Variants in RBBP8NL observed in about 807,000 individuals in gnomAD.
RBBP8NL encodes the protein RBBP8 N-terminal-like protein.
Under a neutral mutation model 62.2 loss-of-function variants are expected in RBBP8NL, and 59 were observed. The ratio of observed to expected loss-of-function variants is 0.95; its 90% CI spans 0.77 to 1.18. RBBP8NL has a LOEUF of 1.18. Among genes scored for constraint, RBBP8NL ranks in the 50% most tolerant of loss-of-function variants. The pLI is 0.00. For missense variants in RBBP8NL, 896 were observed against 899.5 expected, an observed-to-expected ratio of 1.00 and a Z score of 0.05; for synonymous variants, 412 against 394.1, an observed-to-expected ratio of 1.05 and a Z score of -0.54.
chr20:62,421,305 G>A (rs1285165477), intron 1 of RBBP8NL, among the ~76,000 whole-genome samples: 1 of 149,980 alleles, frequency 6.7e-6, no homozygotes, highest in African/African-American at 2.5e-5. Context: ...TGTGCCATGT[G>A]TGTGCACGCC....
At chr20:62,412,507 CCAT>C (rs2146436911) in intron 13 of RBBP8NL, 114 bp downstream of exon 13, 4 of 1,377,912 alleles carry the variant, frequency 2.9e-6, no homozygotes, top group African/African-American at 2.8e-5. Context: ...ATTTTTGGCT[CCAT>C]CATTCTGAGG....
At chr20:62,422,825 C>T (rs867008678) in intron 1 of RBBP8NL, among the ~76,000 whole-genome samples, 3 of 152,114 alleles carry the variant, frequency 2.0e-5, no homozygotes, top group Non-Finnish European at 4.4e-5. Context: ...GTGGCTGCAG[C>T]GTCCCCAGGG....
intron 5 of RBBP8NL, among the ~76,000 whole-genome samples, chr20:62,416,517 C>T (rs73916596): frequency 0.055 from 8,381 of 152,270 alleles, 722 homozygotes; most frequent in African/African-American, 0.18. Context: ...AGGAAGGAGG[C>T]CGCGCCCAGT....
At chr20:62,415,543 G>T in intron 8 of RBBP8NL, 35 bp downstream of exon 8, 1 of 1,605,526 alleles carries the variant, frequency 6.2e-7, no homozygotes, top group Non-Finnish European at 8.5e-7. Flanking sequence ...CGCCGGCCCA[G>T]CTGCACATGG....
chr20:62,411,678 C>T (rs1327225476), intron 13 of RBBP8NL, among the ~76,000 whole-genome samples: 1 of 152,268 alleles, frequency 6.6e-6, no homozygotes, highest in Non-Finnish European at 1.5e-5. Context: ...CAGGGACCTG[C>T]TCTCACTGAT....
Position 62,413,356 on chromosome 20 carries a change from G to T in RBBP8NL, c.1675+45C>A, listed in dbSNP as rs181557231. 7.0e-5 allele frequency: 96 copies of T among 1,380,554 alleles called. No homozygotes were observed. The Middle Eastern group carries it at 1.2e-3, about 18-fold the overall frequency. The allele number at this position is 1,380,554 out of a possible 1,614,324, so 85.5% of individuals were successfully genotyped here. A position where few individuals can be genotyped will look rare whatever the true frequency, so the allele number is the denominator to read the frequency against. On this transcript the variant is annotated intron_variant, in intron 11 of 13. Coordinates refer to ENST00000252998, the MANE Select transcript of RBBP8NL (RefSeq NM_080833.3). ...GACCACCACCCTCTCTCTCCGTGGG[G>T]AAAACACCTCCCAGCTGGACTCTGA...
chr20:62,412,834 C>A lies in RBBP8NL; in HGVS notation c.1742G>T (p.Ser581Ile), dbSNP rs1569023251. The change falls in exon 12 of 14, where the codon AGC becomes ATC. Residue 581 changes from serine (S) to isoleucine (I), a missense_variant. Ser to Ile is a moderately radical substitution (Grantham distance 142). Transcript: ENST00000252998. ...GAGTGTGTGGCCTGGACCCACCTCGCTGCCTGGGGTGTCTGTCTCATCCAG... is the reference window on the plus strand; with the variant it reads ...GAGTGTGTGGCCTGGACCCACCTCGATGCCTGGGGTGTCTGTCTCATCCAG... The part of the protein sequence containing the change: ...DELDETDTPG[S>I]EVGLSSQAEA... The A allele has an allele frequency of 6.2e-7, 1 of 1,613,466 alleles. No individual in the cohort carries two copies.
At chr20:62,423,234 G>A (rs1050556157) in intron 1 of RBBP8NL, among the ~76,000 whole-genome samples, 6 of 152,150 alleles carry the variant, frequency 3.9e-5, no homozygotes, top group African/African-American at 1.4e-4. Context: ...CGCTCCAGAT[G>A]GGGAAACTGA....
chr20:62,413,355 G>A lies in RBBP8NL; in HGVS notation c.1675+46C>T, dbSNP rs1018511552. 2.9e-6 allele frequency: 4 copies of A among 1,379,696 alleles called. No homozygotes were observed. In the African/African-American group the frequency reaches 6.0e-5, roughly 21 times the overall value. The allele number at this position is 1,379,696 out of a possible 1,614,324, so 85.5% of individuals were successfully genotyped here. ...TGACCACCACCCTCTCTCTCCGTGG[G>A]GAAAACACCTCCCAGCTGGACTCTG... On this transcript the variant is annotated intron_variant, in intron 11 of 13. Transcript: ENST00000252998.
chr20:62,423,388 C>T (rs981382358), intron 1 of RBBP8NL, among the ~76,000 whole-genome samples: 1 of 152,206 alleles, frequency 6.6e-6, no homozygotes, highest in African/African-American at 2.4e-5. Flanking sequence ...CACCCAGCTG[C>T]ACTGGCTTTT....
intron 1 of RBBP8NL, among the ~76,000 whole-genome samples, chr20:62,424,198 G>A (rs1988761592): frequency 6.6e-6 from 1 of 152,078 alleles, no homozygotes; most frequent in Admixed American, 6.5e-5. Context: ...GTCCAGGCTG[G>A]AGGGTCTCTG....
At chr20:62,413,698 C>T in intron 10 of RBBP8NL, 123 bp downstream of exon 10, 1 of 1,426,142 alleles carries the variant, frequency 7.0e-7, no homozygotes, top group Non-Finnish European at 9.3e-7. Flanking sequence ...GCCTCGCTTT[C>T]TCCCTGGGAA....
Position 62,414,496 on chromosome 20 carries a change from C to T in RBBP8NL, c.855G>A (p.Lys285=), listed in dbSNP as rs1247099305. 1.4e-6 allele frequency: 2 copies of T among 1,457,122 alleles called. No individual in the cohort carries two copies. The highest frequency in any genetic ancestry group is 2.4e-5 in the East Asian group (1 of 41,114). The allele number at this position is 1,457,122 out of a possible 1,614,324, so 90.3% of individuals were successfully genotyped here. ...MTHEAPKLSP[K]VDRLCLLNRP... ...GGTTTAGGAGGCAGAGCCGGTCCAC[C>T]TTCGGGGAGAGCTTCGGGGCCTCAT... The change falls in exon 10 of 14, where the codon AAG becomes AAA. Residue 285 remains lysine, a synonymous_variant. Coordinates refer to ENST00000252998, the MANE Select transcript of RBBP8NL (RefSeq NM_080833.3).
At chr20:62,419,525 G>C (rs368852555) in intron 2 of RBBP8NL, 62 bp downstream of exon 2, 1 of 1,557,344 alleles carries the variant, frequency 6.4e-7, no homozygotes, top group African/African-American at 1.4e-5. Context: ...GGCCTGCTCC[G>C]ACCCTTAGGT....
Position 62,410,799 on chromosome 20 carries a change from G to A in RBBP8NL, c.*79C>T. ...TTCTGTGCAGGGCTGCCTGCTGGTT[G>A]GATGGTGTGCCCTCTCCAGGCCCTG... On this transcript the variant is annotated 3_prime_UTR_variant, in exon 14 of 14. Transcript: ENST00000252998. 1 of 937,086 alleles carries A rather than the reference G, an allele frequency of 1.1e-6. No homozygotes were observed. The highest frequency in any genetic ancestry group is 1.7e-6 in the Non-Finnish European group (1 of 594,708). The allele number at this position is 937,086 out of a possible 1,614,324, so 58.0% of individuals were successfully genotyped here.
chr20:62,410,547 G>C lies in RBBP8NL; in HGVS notation c.*331C>G, dbSNP rs1158542840. On this transcript the variant is annotated 3_prime_UTR_variant, in exon 14 of 14. Coordinates refer to ENST00000252998, the MANE Select transcript of RBBP8NL (RefSeq NM_080833.3). The stretch of plus-strand genomic sequence containing the variant: ...GAGCAGGTGCTGGGCTGTGGGAGGG[G>C]CCGCAGAGCATTTCCCAGGTGGGTG... 2 of 346,276 alleles carry C rather than the reference G, an allele frequency of 5.8e-6. No homozygotes were observed. Among genetic ancestry groups the C allele is most frequent in the Non-Finnish European group, 1.1e-5 (2 of 188,608 alleles). The allele number at this position is 346,276 out of a possible 1,614,324, so 21.5% of individuals were successfully genotyped here.
At chr20:62,425,898 ATAG>A in intron 1 of RBBP8NL, among the ~76,000 whole-genome samples, 1 of 151,258 alleles carries the variant, frequency 6.6e-6, no homozygotes, top group Non-Finnish European at 1.5e-5. Flanking sequence ...TGGCAGTGGC[ATAG>A]CAGTGGCAGT....
At position 62,416,003 on chromosome 20, in the gene RBBP8NL, A is replaced by G. The variant is rs557794081; in HGVS notation, c.387-58T>C. ...GAGAGCAGCATCTCGGGAGATGATC[A>G]GAAAAGCCGGGCCCACTCCTGGGTG... On this transcript the variant is annotated intron_variant, in intron 6 of 13. Transcript: ENST00000252998. The G allele has an allele frequency of 7.4e-6, 11 of 1,487,682 alleles. No homozygotes were observed. The East Asian group carries it at 7.4e-5, about 10-fold the overall frequency. 92.2% of individuals were successfully genotyped at this position (1,487,682 alleles called of 1,614,324 possible).
intron 1 of RBBP8NL, among the ~76,000 whole-genome samples, chr20:62,422,976 G>A (rs115906564): frequency 0.011 from 1,612 of 152,162 alleles, 29 homozygotes; most frequent in African/African-American, 0.035. Context: ...TGGCGGCTCT[G>A]TGTTGGGTGG....
Sources: gnomAD v4.1 joint callset for allele counts (sites outside exome capture counted in the v4.1 genomes callset) on GRCh38, gnomAD v4.1.1 for gene constraint, MANE v1.5 for transcripts, NCBI Gene and HGNC (gene_info 2026-07-23, HGNC 2026-07-21) for gene names.